Variants in MTFR1 observed in about 807,000 individuals in gnomAD.
MTFR1 encodes chondrocyte protein with a poly-proline region.
Under a neutral mutation model 38.8 loss-of-function variants are expected in MTFR1, and 28 were observed. The observed-to-expected ratio is 0.72, with a 90% CI of 0.53 to 0.99. The LOEUF (loss-of-function observed/expected upper bound fraction) is 0.99, where lower values mean the gene tolerates loss of function less well. Ranked by LOEUF, MTFR1 falls within the 50% of genes least tolerant of loss-of-function variation. The pLI is 0.00. For missense variants in MTFR1, 358 were observed against 395.5 expected (o/e 0.91, Z 0.81); for synonymous variants, 145 against 137.0 (o/e 1.06, Z -0.41).
At chr8:65,695,558 C>T (rs553068502) in intron 4 of MTFR1, among the ~76,000 whole-genome samples, 13 of 152,058 alleles carry the variant, frequency 8.5e-5, no homozygotes, top group Admixed American at 5.2e-4. Flanking sequence ...GGTTTCACCA[C>T]GTTGGCCAGG....
chr8:65,655,104 C>T (rs1585742657), intron 1 of MTFR1, among the ~76,000 whole-genome samples: 2 of 152,186 alleles, frequency 1.3e-5, no homozygotes, highest in East Asian at 3.8e-4. Context: ...TGCCTCAGTA[C>T]TTAATTCATC....
chr8:65,736,114 A>G (rs185976199), intron 3 of MTFR1, among the ~76,000 whole-genome samples: 2 of 152,322 alleles, frequency 1.3e-5, no homozygotes, highest in Admixed American at 1.3e-4. Flanking sequence ...GAAATTAACA[A>G]TAATTAAAAT....
rs564731930 is a variant in MTFR1 at position 65,735,537 on chromosome 8, C to G, written c.*48+16056C>G. Among the ~76,000 whole-genome samples, 5 of 152,294 alleles carry G rather than the reference C, an allele frequency of 3.3e-5. No homozygotes were observed. In the East Asian group the frequency reaches 7.7e-4, roughly 24 times the overall value. ...TGTTGCCCAGGCTGGTTTCAAACCC[C>G]TGGGCTCAAGGAGTCCACCTGCCTT... On this transcript the variant is annotated intron_variant, in intron 3 of 3. Coordinates refer to the MTFR1 transcript ENST00000521247.
chr8:65,740,919 A>G (rs1396023362), intron 3 of MTFR1, among the ~76,000 whole-genome samples: 1 of 152,096 alleles, frequency 6.6e-6, no homozygotes, highest in Non-Finnish European at 1.5e-5. Context: ...CACCTGCTCC[A>G]TCCCCCTACA....
intron 4 of MTFR1, among the ~76,000 whole-genome samples, chr8:65,702,400 A>T (rs1336859551): frequency 6.7e-6 from 1 of 149,930 alleles, no homozygotes; most frequent in African/African-American, 2.5e-5. Context: ...CCCGGGTTCA[A>T]GCGATTCTCT....
chr8:65,735,384 T>C (rs904948023), intron 3 of MTFR1, among the ~76,000 whole-genome samples: 4 of 151,810 alleles, frequency 2.6e-5, no homozygotes, highest in Admixed American at 6.6e-5. Flanking sequence ...TCATGGCTCA[T>C]TGCAGCCCTG....
At chr8:65,755,671 C>T (rs1808200029) in intron 3 of MTFR1, among the ~76,000 whole-genome samples, 2 of 152,160 alleles carry the variant, frequency 1.3e-5, no homozygotes, top group Admixed American at 6.5e-5. Flanking sequence ...AAAAATATAA[C>T]ACTGGTTTAT....
chr8:65,649,311 A>T (rs1188940595), intron 1 of MTFR1, among the ~76,000 whole-genome samples: 1 of 151,844 alleles, frequency 6.6e-6, no homozygotes, highest in Non-Finnish European at 1.5e-5. Context: ...CAGCCTCCCG[A>T]GTAGCTGGGA....
rs1808902518 is a variant in MTFR1 at position 65,644,772 on chromosome 8, C to G, written c.-93C>G. 1 of 152,580 alleles carries G rather than the reference C, an allele frequency of 6.6e-6. No homozygotes were observed. The highest frequency in any genetic ancestry group is 1.5e-5 in the Non-Finnish European group (1 of 68,366). The allele number at this position is 152,580 out of a possible 1,614,324, so 9.5% of individuals were successfully genotyped here. On this transcript the variant is annotated 5_prime_UTR_variant, in exon 1 of 8. Transcript: ENST00000262146. ...GAGGAGCCGGAGAGGGTGCTGGCTG[C>G]CGCGCGGCCGAGGTGAGTAGGGTGG...
rs1157266327 is a variant in MTFR1 at position 65,709,574 on chromosome 8, C to T, written c.*530C>T. 6.5e-6 allele frequency: 1 copy of T among 152,878 alleles called. No individual in the cohort carries two copies. Among genetic ancestry groups the T allele is most frequent in the Non-Finnish European group, 1.5e-5 (1 of 68,480 alleles). The allele number at this position is 152,878 out of a possible 1,614,324, so 9.5% of individuals were successfully genotyped here. ...ATATTTGAGATTGGAAACTTCTTGC[C>T]TTGAACAGAACTTATATCTTAGATT... On this transcript the variant is annotated 3_prime_UTR_variant, in exon 8 of 8. Transcript: ENST00000262146.
Position 65,667,948 on chromosome 8 carries a change from G to A in MTFR1, c.-80-1925G>A, listed in dbSNP as rs188906568. Among the ~76,000 whole-genome samples, 225 of 151,998 alleles carry A rather than the reference G, an allele frequency of 1.5e-3. 1 individual carries two copies. The highest frequency in any genetic ancestry group is 9.4e-4 in the Non-Finnish European group (64 of 67,988). ...CATGATGCTCATCCTCCTTTCATTA[G>A]CGCCCAGCTCTTTTCAGTTTATTTT... On this transcript the variant is annotated intron_variant, in intron 1 of 7. Coordinates refer to ENST00000262146, the MANE Select transcript of MTFR1 (RefSeq NM_014637.4).
At chr8:65,705,248 T>TG (rs1369638702) in intron 5 of MTFR1, among the ~76,000 whole-genome samples, 8 of 152,274 alleles carry the variant, frequency 5.3e-5, no homozygotes, top group South Asian at 2.1e-4. Flanking sequence ...CTCTTGAACC[T>TG]GGGGGGTGGA....
chr8:65,657,033 G>C (rs1186550098), intron 1 of MTFR1, among the ~76,000 whole-genome samples: 2 of 141,746 alleles, frequency 1.4e-5, no homozygotes, highest in Non-Finnish European at 1.5e-5. Flanking sequence ...TTTTTTTTCA[G>C]ACGGAGTCTC....
chr8:65,724,190 T>C (rs376877317), intron 3 of MTFR1: 83 of 991,180 alleles, frequency 8.4e-5, no homozygotes, highest in East Asian at 7.2e-4. Flanking sequence ...TGAGTTATTT[T>C]ATTCTTACGA....
intron 1 of MTFR1, among the ~76,000 whole-genome samples, chr8:65,668,322 C>T (rs983330832): frequency 2.0e-5 from 3 of 147,576 alleles, no homozygotes; most frequent in East Asian, 4.0e-4. Flanking sequence ...GGATTACAGG[C>T]GTGCTCCACC....
chr8:65,736,183 A>G (rs1807120798), intron 3 of MTFR1, among the ~76,000 whole-genome samples: 1 of 152,236 alleles, frequency 6.6e-6, no homozygotes, highest in African/African-American at 2.4e-5. Flanking sequence ...TGGGGCCATT[A>G]TGAAGTAAAA....
intron 7 of MTFR1, 171 bp downstream of exon 7, chr8:65,708,182 C>T: frequency 5.3e-6 from 7 of 1,314,568 alleles, no homozygotes; most frequent in Middle Eastern, 1.8e-4. Context: ...AAAAGGATGA[C>T]ATCTTTGCTT....
intron 2 of MTFR1, among the ~76,000 whole-genome samples, chr8:65,673,467 G>T (rs1349496021): frequency 6.6e-6 from 1 of 151,940 alleles, no homozygotes; most frequent in Non-Finnish European, 1.5e-5. Context: ...TTAGGACAAT[G>T]CATGCGTTGT....
In MTFR1 at chr8:65,656,110, C is replaced by T. The variant is rs370236165; in HGVS notation, c.-81+11326C>T. Among the ~76,000 whole-genome samples the T allele has an allele frequency of 1.4e-4, 21 of 149,678 alleles. No individual in the cohort carries two copies. In the South Asian group the frequency reaches 2.7e-3, roughly 20 times the overall value. On this transcript the variant is annotated intron_variant, in intron 1 of 7. Coordinates refer to ENST00000262146, the MANE Select transcript of MTFR1 (RefSeq NM_014637.4). ...ACTCAGGAGGCTGAGGCAGGAGAAT[C>T]GCTTGAACCCAGGAGGCAGAGGTTG...
Sources: gnomAD v4.1 joint callset for allele counts (sites outside exome capture counted in the v4.1 genomes callset) on GRCh38, gnomAD v4.1.1 for gene constraint, MANE v1.5 for transcripts, NCBI Gene and HGNC (gene_info 2026-07-23, HGNC 2026-07-21) for gene names.